RBFOX3: variants seen among roughly 807,000 people sequenced by gnomAD.
The protein encoded by RBFOX3 is RNA binding fox-1 homolog 3, also known as RNA binding protein fox-1 homolog 3.
RBFOX3 carries 17 observed loss-of-function variants against 48.7 expected under a neutral mutation model. That is an observed-to-expected ratio of 0.35 (90% CI 0.24 to 0.52). RBFOX3 has a LOEUF of 0.52. RBFOX3 is among the 20% of genes least tolerant of loss of function. The pLI is 0.94. For missense variants in RBFOX3, 382 were observed against 497.5 expected (o/e 0.77, Z 2.21); for synonymous variants, 212 against 209.5 (o/e 1.01, Z -0.10).
At chr17:79,306,203 T>A (rs867359676) in intron 3 of RBFOX3, among the ~76,000 whole-genome samples, 12 of 152,154 alleles carry the variant, frequency 7.9e-5, no homozygotes, top group Admixed American at 2.0e-4. Context: ...CCCAGCTGGG[T>A]GGCCGTGACC....
At chr17:79,091,453 T>G (rs958167069) in intron 14 of RBFOX3, among the ~76,000 whole-genome samples, 1 of 152,218 alleles carries the variant, frequency 6.6e-6, no homozygotes, top group African/African-American at 2.4e-5. Flanking sequence ...GCCAGCAAGC[T>G]GCCCACGGCT....
chr17:79,596,181 G>T (rs2093564544), intron 1 of RBFOX3, among the ~76,000 whole-genome samples: 1 of 152,222 alleles, frequency 6.6e-6, no homozygotes, highest in Admixed American at 6.5e-5. Flanking sequence ...AGCTGACTCT[G>T]GTTCTGGGAA....
intron 2 of RBFOX3, among the ~76,000 whole-genome samples, chr17:79,331,261 G>A (rs1185327209): frequency 3.3e-5 from 5 of 152,116 alleles, no homozygotes; most frequent in African/African-American, 1.2e-4. Context: ...CATTTCCCCT[G>A]CCGTTTGCCT....
Position 79,115,395 on chromosome 17 carries a change from C to T in RBFOX3, c.222+99G>A, listed in dbSNP as rs1240412533. 14 of 733,088 alleles carry T rather than the reference C, an allele frequency of 1.9e-5. No individual in the cohort carries two copies. The South Asian group carries it at 7.5e-4, about 39-fold the overall frequency. 45.4% of individuals were successfully genotyped at this position (733,088 alleles called of 1,614,324 possible). ...AGAGGCCCTGCCCAGGCCCCTCGCC[C>T]ACCTGGTACACCTCATGCCCTTCTG... On this transcript the variant is annotated intron_variant, in intron 5 of 14. Coordinates refer to ENST00000693108, the MANE Select transcript of RBFOX3 (RefSeq NM_001350451.2).
chr17:79,656,793 A>AGAAG, the RBFOX3 span, among the ~76,000 whole-genome samples: 1 of 20,620 alleles, frequency 4.8e-5, no homozygotes, highest in African/African-American at 1.5e-4. Context: ...AAAGAAAGAA[A>AGAAG]GAAAGAAAGA....
At chr17:79,513,156 C>T (rs1406494904) in intron 1 of RBFOX3, among the ~76,000 whole-genome samples, 3 of 151,942 alleles carry the variant, frequency 2.0e-5, no homozygotes, top group Non-Finnish European at 4.4e-5. Flanking sequence ...AGTCCTATAG[C>T]CAGGGGACAT....
chr17:79,435,202 T>G (rs2069179282), intron 2 of RBFOX3, among the ~76,000 whole-genome samples: 1 of 152,180 alleles, frequency 6.6e-6, no homozygotes, highest in Non-Finnish European at 1.5e-5. Context: ...CTGGCCTGCC[T>G]GCTGGTCACC....
At chr17:79,112,214 G>A (rs1199426724) in intron 5 of RBFOX3, among the ~76,000 whole-genome samples, 1 of 152,218 alleles carries the variant, frequency 6.6e-6, no homozygotes, top group East Asian at 1.9e-4. Context: ...ACAAAAATCA[G>A]TGCACGCTCC....
In RBFOX3 at chr17:79,125,197, G is replaced by A. The variant is rs555154229; in HGVS notation, c.-33-9449C>T. On this transcript the variant is annotated intron_variant, in intron 4 of 14. Coordinates refer to ENST00000693108, the MANE Select transcript of RBFOX3 (RefSeq NM_001350451.2). Reference sequence around the variant, plus strand: ...CTTCCCTAGCCCAGGACAGGCAGGTGGGGCCCTGAGCAGGTTGGGGCTGTG... The same window carrying A: ...CTTCCCTAGCCCAGGACAGGCAGGTAGGGCCCTGAGCAGGTTGGGGCTGTG... 4.4e-4 allele frequency among the ~76,000 whole-genome samples: 67 copies of A among 152,318 alleles called. 1 individual carries two copies. The highest frequency in any genetic ancestry group is 1.5e-3 in the African/African-American group (64 of 41,580).
At chr17:79,191,959 G>A (rs1389874314) in intron 4 of RBFOX3, among the ~76,000 whole-genome samples, 1 of 152,284 alleles carries the variant, frequency 6.6e-6, no homozygotes, top group East Asian at 1.9e-4. Context: ...AGTGGATGCT[G>A]ATGTGTTTTA....
intron 3 of RBFOX3, among the ~76,000 whole-genome samples, chr17:79,286,406 C>T (rs920353326): frequency 1.3e-5 from 2 of 152,172 alleles, no homozygotes; most frequent in African/African-American, 4.8e-5. Context: ...CCCATCCCCT[C>T]CTCCATCACC....
rs1271092941 is a variant in RBFOX3, at chr17:79,249,903, C to T, written c.-73-14098G>A. On this transcript the variant is annotated intron_variant, in intron 3 of 14. Coordinates refer to ENST00000693108, the MANE Select transcript of RBFOX3 (RefSeq NM_001350451.2). The surrounding 1 kb of genome is among the most constrained non-coding windows in gnomAD (Gnocchi z 4.1). ...CCCCATTAAAACAAATTCCAGGTAT[C>T]CTTAGATCCCCACCAGCCTCACCAT... Among the ~76,000 whole-genome samples, 1 of 152,184 alleles carries T rather than the reference C, an allele frequency of 6.6e-6. No individual in the cohort carries two copies. Among genetic ancestry groups the T allele is most frequent in the Admixed American group, 6.5e-5 (1 of 15,280 alleles).
At chr17:79,445,043 G>A (rs1209624151) in intron 2 of RBFOX3, among the ~76,000 whole-genome samples, 4 of 152,140 alleles carry the variant, frequency 2.6e-5, no homozygotes, top group South Asian at 2.1e-4. Context: ...TGAGCATGAC[G>A]TCCTCAAGGT....
intron 1 of RBFOX3, among the ~76,000 whole-genome samples, chr17:79,594,847 C>A (rs1342735045): frequency 6.6e-6 from 1 of 152,144 alleles, no homozygotes; most frequent in Non-Finnish European, 1.5e-5. Flanking sequence ...GCTTCCCCAC[C>A]CTCGGCATGC....
At chr17:79,151,935 C>T (rs1285742235) in intron 4 of RBFOX3, among the ~76,000 whole-genome samples, 2 of 20,382 alleles carry the variant, frequency 9.8e-5, no homozygotes, top group East Asian at 1.7e-3. Flanking sequence ...AGGGGACCTA[C>T]AGAGGGAGGC....
At chr17:79,616,749 C>T in the RBFOX3 span, among the ~76,000 whole-genome samples, 6 of 152,244 alleles carry the variant, frequency 3.9e-5, no homozygotes, top group African/African-American at 7.2e-5. Context: ...GAGCCCCACA[C>T]GACCTGAGGG....
chr17:79,617,078 ACC>A, the RBFOX3 span, among the ~76,000 whole-genome samples: 11 of 151,818 alleles, frequency 7.2e-5, no homozygotes, highest in African/African-American at 2.7e-4. Context: ...CTTTCTCCTG[ACC>A]CTTTTTTCCT....
intron 1 of RBFOX3, among the ~76,000 whole-genome samples, chr17:79,567,048 C>A (rs2092480606): frequency 2.0e-5 from 3 of 152,170 alleles, no homozygotes. Flanking sequence ...TGTCTGTTAA[C>A]CAACTTCCTC....
At chr17:79,194,751 TGG>T (rs57402863) in intron 4 of RBFOX3, among the ~76,000 whole-genome samples, 242 of 59,216 alleles carry the variant, frequency 4.1e-3, no homozygotes, top group Middle Eastern at 8.2e-3. Context: ...CCTGTGTGTG[TGG>T]GTGTGTGTGT....
Sources: allele counts gnomAD v4.1 joint callset (sites outside exome capture counted in the v4.1 genomes callset), GRCh38; gene constraint gnomAD v4.1.1; non-coding constraint Gnocchi (gnomAD v3.1); transcripts MANE v1.5; gene names NCBI Gene and HGNC (gene_info 2026-07-23, HGNC 2026-07-21).